SEPTIN9: variants seen among roughly 807,000 people sequenced by gnomAD.
The protein encoded by SEPTIN9 is septin 9, also known as septin-9.
Under a neutral mutation model 56.6 loss-of-function variants are expected in SEPTIN9, and 13 were observed. The observed-to-expected ratio is 0.23, with a 90% confidence interval of 0.15 to 0.37. SEPTIN9 has a LOEUF of 0.37. SEPTIN9 is among the 10% of genes least tolerant of loss of function. SEPTIN9 has a pLI of 1.00. For missense variants in SEPTIN9, 650 were observed against 823.1 expected, an observed-to-expected ratio of 0.79 and a Z score of 2.57; for synonymous variants, 332 against 334.1, an observed-to-expected ratio of 0.99 and a Z score of 0.07.
intron 2 of SEPTIN9, chr17:77,320,255 G>T: frequency 6.2e-7 from 1 of 1,611,710 alleles, no homozygotes; most frequent in African/African-American, 1.3e-5. Context: ...GAGGGCGACG[G>T]GGGTGAGAAA....
At chr17:77,344,581 A>G (rs1455394177) in intron 2 of SEPTIN9, among the ~76,000 whole-genome samples, 3 of 152,246 alleles carry the variant, frequency 2.0e-5, no homozygotes, top group Non-Finnish European at 4.4e-5. Context: ...CACTTTTCCC[A>G]TAACCAAAAG....
Position 77,485,071 on chromosome 17 carries a change from G to A in SEPTIN9, c.914-2353G>A, listed in dbSNP as rs544683415. ...TGGTGATTGTGGTGGTGGTAATGGT[G>A]ATGGTGGTAAAGGGGTGATGGTGGT... On this transcript the variant is annotated intron_variant, in intron 4 of 11. Coordinates refer to ENST00000427177, the MANE Select transcript of SEPTIN9 (RefSeq NM_001113491.2). Among the ~76,000 whole-genome samples, 14 of 126,712 alleles carry A rather than the reference G, an allele frequency of 1.1e-4. No homozygotes were observed. In the East Asian group the frequency reaches 3.4e-3, roughly 31 times the overall value. 83.1% of individuals were successfully genotyped at this position (126,712 alleles called of 152,430 possible). A position where few individuals can be genotyped will look rare whatever the true frequency, so the allele number is the denominator to read the frequency against.
chr17:77,361,250 T>A (rs1256656214), intron 2 of SEPTIN9, among the ~76,000 whole-genome samples: 1 of 152,180 alleles, frequency 6.6e-6, no homozygotes, highest in African/African-American at 2.4e-5. Flanking sequence ...AATGAAAATC[T>A]TCCTGAAAGA....
rs767155303 is a variant in SEPTIN9 at position 77,429,189 on chromosome 17, G to A, written c.721+26486G>A. 11 of 471,754 alleles carry A rather than the reference G, an allele frequency of 2.3e-5. No individual in the cohort carries two copies. The Middle Eastern group carries it at 9.7e-4, about 42-fold the overall frequency. 29.2% of individuals were successfully genotyped at this position (471,754 alleles called of 1,614,324 possible). On this transcript the variant is annotated intron_variant, in intron 3 of 11. Coordinates refer to ENST00000427177, the MANE Select transcript of SEPTIN9 (RefSeq NM_001113491.2). This position sits in a 1 kb window ranked among gnomAD's most constrained non-coding sequence, Gnocchi z 5.2. The stretch of plus-strand genomic sequence containing the variant: ...TGAGGCCAAGACCAAGGCTGAGGCC[G>A]AGGCTGAGGCTGAGGCCACCTTGGT...
chr17:77,468,358 C>T (rs1316433996), intron 3 of SEPTIN9, among the ~76,000 whole-genome samples: 1 of 152,120 alleles, frequency 6.6e-6, no homozygotes, highest in Admixed American at 6.5e-5. Context: ...CTAGGAACAG[C>T]ATGGGGAAGG....
At chr17:77,365,879 G>C (rs544626757) in intron 2 of SEPTIN9, among the ~76,000 whole-genome samples, 2 of 152,264 alleles carry the variant, frequency 1.3e-5, no homozygotes, top group South Asian at 4.2e-4. Flanking sequence ...TTGAGTCCCT[G>C]TTGTTCCTGC....
At chr17:77,464,057 TA>T (rs1202929686) in intron 3 of SEPTIN9, among the ~76,000 whole-genome samples, 4 of 147,940 alleles carry the variant, frequency 2.7e-5, no homozygotes, top group African/African-American at 8.0e-5. Context: ...AGGAACAATT[TA>T]AAAAATTTTT....
At chr17:77,484,588 GGTAATT>G (rs879522856) in intron 4 of SEPTIN9, among the ~76,000 whole-genome samples, 37,381 of 103,810 alleles carry the variant, frequency 0.36, 7,883 homozygotes, top group Middle Eastern at 0.46. Context: ...TTATGATGGT[GGTAATT>G]GTGATGGTGG....
At chr17:77,342,195 C>A (rs1039132159) in intron 2 of SEPTIN9, among the ~76,000 whole-genome samples, 1 of 152,076 alleles carries the variant, frequency 6.6e-6, no homozygotes, top group Non-Finnish European at 1.5e-5. Context: ...CACAGAGACA[C>A]AGTGTTAACA....
At chr17:77,398,099 G>A (rs938342892) in intron 2 of SEPTIN9, among the ~76,000 whole-genome samples, 1 of 151,228 alleles carries the variant, frequency 6.6e-6, no homozygotes, top group African/African-American at 2.4e-5. Context: ...TCAGCCTCTC[G>A]AGTAGCTGGG....
intron 2 of SEPTIN9, among the ~76,000 whole-genome samples, chr17:77,366,800 G>T (rs888031957): frequency 6.6e-6 from 1 of 152,210 alleles, no homozygotes; most frequent in South Asian, 2.1e-4. Context: ...GTGCCGGAGC[G>T]GGGAGCTCGG....
At chr17:77,415,605 G>A (rs1025411849) in intron 3 of SEPTIN9, among the ~76,000 whole-genome samples, 17 of 148,750 alleles carry the variant, frequency 1.1e-4, no homozygotes, top group Non-Finnish European at 4.5e-5. Flanking sequence ...TCCAGCCTGG[G>A]TGACAGAGTG....
intron 2 of SEPTIN9, among the ~76,000 whole-genome samples, chr17:77,401,510 C>T (rs1015815588): frequency 6.6e-6 from 1 of 152,096 alleles, no homozygotes; most frequent in African/African-American, 2.4e-5. Context: ...CTTTGGGAGG[C>T]CGAGGCGGGT....
intron 2 of SEPTIN9, among the ~76,000 whole-genome samples, chr17:77,340,388 G>A (rs549558257): frequency 2.6e-5 from 4 of 152,190 alleles, no homozygotes; most frequent in Admixed American, 2.0e-4. Flanking sequence ...TGATCCCCCC[G>A]CCCCAGCCTT....
intron 3 of SEPTIN9, among the ~76,000 whole-genome samples, chr17:77,442,885 A>T (rs76544523): frequency 2.8e-5 from 4 of 141,980 alleles, no homozygotes; most frequent in Non-Finnish European, 6.1e-5. Context: ...AAAAACAAAT[A>T]AAAAAAAAAA....
At chr17:77,360,982 G>A (rs1296542059) in intron 2 of SEPTIN9, among the ~76,000 whole-genome samples, 2 of 146,896 alleles carry the variant, frequency 1.4e-5, no homozygotes, top group Middle Eastern at 3.3e-3. Flanking sequence ...GGAGTGCAGT[G>A]GTGTGATCCT....
chr17:77,486,019 T>C (rs1211829049), intron 4 of SEPTIN9, among the ~76,000 whole-genome samples: 1 of 152,132 alleles, frequency 6.6e-6, no homozygotes, highest in Non-Finnish European at 1.5e-5. Flanking sequence ...TTTCACCATG[T>C]TGGCCAAGCT....
chr17:77,312,158 C>A (rs1267340898), intron 2 of SEPTIN9, among the ~76,000 whole-genome samples: 1 of 152,158 alleles, frequency 6.6e-6, no homozygotes, highest in Non-Finnish European at 1.5e-5. Flanking sequence ...GCCATCCTCC[C>A]CACCCCTGCC....
chr17:77,499,468 C>T lies in SEPTIN9; in HGVS notation c.*810C>T, dbSNP rs369443803. 2 of 517,906 alleles carry T rather than the reference C, an allele frequency of 3.9e-6. No individual in the cohort carries two copies. Among genetic ancestry groups the T allele is most frequent in the Admixed American group, 2.3e-5 (1 of 43,190 alleles). 32.1% of individuals were successfully genotyped at this position (517,906 alleles called of 1,614,324 possible). A position where few individuals can be genotyped will look rare whatever the true frequency, so the allele number is the denominator to read the frequency against. On this transcript the variant is annotated 3_prime_UTR_variant, in exon 12 of 12. Coordinates refer to ENST00000427177, the MANE Select transcript of SEPTIN9 (RefSeq NM_001113491.2). ...AAAGGAAGGAGAGATGACCCCTACCCCCTCATCCCCCAGTTTTGAAAAGGT... is the reference window on the plus strand; with the variant it reads ...AAAGGAAGGAGAGATGACCCCTACCTCCTCATCCCCCAGTTTTGAAAAGGT...
Sources: gnomAD v4.1 joint callset for allele counts (sites outside exome capture counted in the v4.1 genomes callset) on GRCh38, gnomAD v4.1.1 for gene constraint, Gnocchi (gnomAD v3.1) non-coding constraint, MANE v1.5 for transcripts, NCBI Gene and HGNC (gene_info 2026-07-23, HGNC 2026-07-21) for gene names.